Variants in OR1L6 observed in about 807,000 individuals in gnomAD.
The protein encoded by OR1L6 is olfactory receptor 1L6.
OR1L6 carries 2 observed loss-of-function variants against 3.0 expected under a neutral mutation model. That is an observed-to-expected ratio of 0.68 (90% CI 0.28 to 2.13). The LOEUF is 2.13. Among genes scored for constraint, OR1L6 ranks in the 30% most tolerant of loss-of-function variants. OR1L6 has a pLI of 0.14. For synonymous variants in OR1L6, 121 were observed against 148.4 expected, an observed-to-expected ratio of 0.82 and a Z score of 1.34; for missense variants, 304 against 378.4, an observed-to-expected ratio of 0.80 and a Z score of 1.63.
chr9:122,744,253 C>A (rs962156927), intron 1 of OR1L6, among the ~76,000 whole-genome samples: 3 of 152,200 alleles, frequency 2.0e-5, no homozygotes, highest in African/African-American at 7.2e-5. Context: ...TAGCTTTCCA[C>A]CAGGATACTG....
rs185756734 is a variant in OR1L6 at position 122,746,716 on chromosome 9, T to C, written c.-13-3119T>C. On this transcript the variant is annotated intron_variant, in intron 1 of 1. Coordinates refer to ENST00000304720, the MANE Select transcript of OR1L6 (RefSeq NM_001004453.3). ...CTGATTTACTCTCTTACTGCTAGTA[T>C]ACATGAGGATCTAATTCCCTTTGTA... 9.2e-5 allele frequency among the ~76,000 whole-genome samples: 14 copies of C among 152,348 alleles called. No homozygotes were observed. The East Asian group carries it at 1.5e-3, about 17-fold the overall frequency.
At chr9:122,744,564 AAGGAAGG>A (rs1172921309) in intron 1 of OR1L6, among the ~76,000 whole-genome samples, 1 of 152,248 alleles carries the variant, frequency 6.6e-6, no homozygotes, top group East Asian at 1.9e-4. Context: ...CCTGTCTGTC[AAGGAAGG>A]GAGTAAATAC....
At chr9:122,745,408 C>CT (rs71892392) in intron 1 of OR1L6, among the ~76,000 whole-genome samples, 55,079 of 87,528 alleles carry the variant, frequency 0.63, 21,159 homozygotes, top group Middle Eastern at 0.74. Context: ...ATAAACACAC[C>CT]TTTTTTTTTT....
intron 1 of OR1L6, among the ~76,000 whole-genome samples, chr9:122,743,956 T>C (rs1828811469): frequency 6.6e-6 from 1 of 152,144 alleles, no homozygotes; most frequent in African/African-American, 2.4e-5. Context: ...ATGTACAGTT[T>C]GGGGAAGAGG....
intron 1 of OR1L6, among the ~76,000 whole-genome samples, chr9:122,749,140 C>T: frequency 6.6e-6 from 1 of 152,208 alleles, no homozygotes; most frequent in Admixed American, 6.5e-5. Context: ...CAGCACCATG[C>T]TATTTTGGCT....
At chr9:122,743,496 A>T (rs1302054872) in intron 1 of OR1L6, among the ~76,000 whole-genome samples, 1 of 152,248 alleles carries the variant, frequency 6.6e-6, no homozygotes, top group Non-Finnish European at 1.5e-5. Flanking sequence ...CAGCCTAGAA[A>T]GGACCTGCAG....
At chr9:122,748,543 T>C (rs144253854) in intron 1 of OR1L6, among the ~76,000 whole-genome samples, 112 of 152,328 alleles carry the variant, frequency 7.4e-4, no homozygotes, top group African/African-American at 2.5e-3. Context: ...TTCATTTGTA[T>C]AAGTTTATGG....
intron 1 of OR1L6, among the ~76,000 whole-genome samples, chr9:122,745,655 G>T (rs1030970743): frequency 2.0e-5 from 3 of 151,262 alleles, no homozygotes; most frequent in Non-Finnish European, 2.9e-5. Context: ...CTCATGATCC[G>T]CCCGCCTCGG....
rs896877349 is a variant in OR1L6 at position 122,750,720 on chromosome 9, C to T, written c.873C>T (p.Tyr291=). 4.3e-6 allele frequency: 7 copies of T among 1,613,036 alleles called. No individual in the cohort carries two copies. Among genetic ancestry groups the T allele is most frequent in the African/African-American group, 2.7e-5 (2 of 74,884 alleles). ...VVTPMLNPFI[Y]SLRNKDMKRG... is the part of the protein sequence containing the mutation. ...CACCCATGCTGAACCCTTTCATCTA[C>T]AGCCTGAGGAACAAAGATATGAAGA... Residue 291 remains tyrosine, a synonymous_variant, in exon 2 of 2, where the codon TAC becomes TAT. Coordinates refer to ENST00000304720, the MANE Select transcript of OR1L6 (RefSeq NM_001004453.3).
At chr9:122,749,602 G>T in intron 1 of OR1L6, 1 of 548,938 alleles carries the variant, frequency 1.8e-6, no homozygotes, top group Non-Finnish European at 3.3e-6. Context: ...CAGCTACTCG[G>T]GAGGCTGAGG....
At chr9:122,745,362 G>C (rs557730077) in intron 1 of OR1L6, among the ~76,000 whole-genome samples, 22 of 148,954 alleles carry the variant, frequency 1.5e-4, no homozygotes, top group African/African-American at 5.2e-4. Context: ...TGGAATTATA[G>C]GAAATTTAAC....
At chr9:122,746,645 G>T (rs1169993036) in intron 1 of OR1L6, among the ~76,000 whole-genome samples, 1 of 152,160 alleles carries the variant, frequency 6.6e-6, no homozygotes, top group Non-Finnish European at 1.5e-5. Flanking sequence ...ATTGGACAAA[G>T]AAGTGCAGAT....
intron 1 of OR1L6, among the ~76,000 whole-genome samples, chr9:122,743,000 A>G (rs1210434893): frequency 2.0e-5 from 3 of 152,180 alleles, no homozygotes; most frequent in East Asian, 1.9e-4. Flanking sequence ...TGCTAAAATG[A>G]TGAAGGTGAA....
intron 1 of OR1L6, among the ~76,000 whole-genome samples, chr9:122,746,883 T>G (rs1227780933): frequency 6.6e-6 from 1 of 152,180 alleles, no homozygotes; most frequent in Non-Finnish European, 1.5e-5. Flanking sequence ...AGTCAATAGT[T>G]TCTATTTTAG....
At chr9:122,747,482 T>C (rs553932168) in intron 1 of OR1L6, among the ~76,000 whole-genome samples, 106 of 152,172 alleles carry the variant, frequency 7.0e-4, no homozygotes, top group African/African-American at 2.4e-3. Context: ...AAAATTCCCC[T>C]GGGGTCTTAT....
rs139678323 is a variant in OR1L6, at chr9:122,742,541, T to C, written c.-14+168T>C. The stretch of plus-strand genomic sequence containing the variant: ...TCTCTTTTTGGTCAAATATCAAATA[T>C]TTGAAATATCTACTTTGTTCAAGAC... On this transcript the variant is annotated intron_variant, in intron 1 of 1. Coordinates refer to ENST00000304720, the MANE Select transcript of OR1L6 (RefSeq NM_001004453.3). Among the ~76,000 whole-genome samples the C allele has an allele frequency of 3.4e-3, 518 of 152,306 alleles. 2 individuals are homozygous for C. Among genetic ancestry groups the C allele is most frequent in the African/African-American group, 0.012 (480 of 41,566 alleles).
chr9:122,749,795 C>T, intron 1 of OR1L6, 40 bp from the exon 2 acceptor site: 1 of 1,574,534 alleles, frequency 6.4e-7, no homozygotes, highest in Non-Finnish European at 8.7e-7. Flanking sequence ...GTCAAACTGC[C>T]CTTTACATCT....
In OR1L6 at chr9:122,750,352, T is replaced by G. The variant is rs754861044; in HGVS notation, c.505T>G (p.Phe169Val). The part of the protein sequence containing the change: ...FRVLLMSRLS[F>V]CASHIIKHFF... ...CGTGCTACTTATGTCTCGCTTGTCT[T>G]TCTGTGCCTCTCACATCATTAAGCA... is the stretch of plus-strand genomic sequence containing the variant. The change falls in exon 2 of 2, where the codon TTC becomes GTC. Residue 169 changes from phenylalanine (F) to valine (V), a missense_variant. Transcript: ENST00000304720. 1 of 1,613,810 alleles carries G rather than the reference T, an allele frequency of 6.2e-7. No individual in the cohort carries two copies. Among genetic ancestry groups the G allele is most frequent in the East Asian group, 2.2e-5 (1 of 44,882 alleles).
In OR1L6 at chr9:122,748,116, C is replaced by T. The variant is rs577975971; in HGVS notation, c.-13-1719C>T. 4.6e-5 allele frequency among the ~76,000 whole-genome samples: 7 copies of T among 152,186 alleles called. 1 individual carries two copies. Among genetic ancestry groups the T allele is most frequent in the South Asian group, 4.1e-4 (2 of 4,820 alleles). On this transcript the variant is annotated intron_variant, in intron 1 of 1. Transcript: ENST00000304720. ...TTTTGAGTGACATCTTTGGACCAAACGCTTAAAATTAAAGTATCCACATCA... is the reference window on the plus strand; with the variant it reads ...TTTTGAGTGACATCTTTGGACCAAATGCTTAAAATTAAAGTATCCACATCA...
Sources: gnomAD v4.1 joint callset for allele counts (sites outside exome capture counted in the v4.1 genomes callset) on GRCh38, gnomAD v4.1.1 for gene constraint, MANE v1.5 for transcripts, NCBI Gene and HGNC (gene_info 2026-07-23, HGNC 2026-07-21) for gene names.